The following KHDRBS3 variants were observed in gnomAD, a reference collection of about 807,000 sequenced individuals.
KHDRBS3 encodes KH domain-containing, RNA-binding, signal transduction-associated protein 3.
In KHDRBS3, 23 loss-of-function variants were observed where a neutral mutation model predicts 45.6. That is an observed-to-expected ratio of 0.50 (90% CI 0.36 to 0.72). KHDRBS3 has a LOEUF of 0.72. Ranked by LOEUF, KHDRBS3 falls within the 30% of genes least tolerant of loss-of-function variation. The pLI is 0.00. For missense variants in KHDRBS3, 352 were observed against 424.8 expected (o/e 0.83, Z 1.51); for synonymous variants, 162 against 156.5 (o/e 1.04, Z -0.26).
rs117647618 is a variant in KHDRBS3 at position 135,477,619 on chromosome 8, T to C, written c.88+19665T>C. Among the ~76,000 whole-genome samples, 67 of 152,356 alleles carry C rather than the reference T, an allele frequency of 4.4e-4. No homozygotes were observed. In the East Asian group the frequency reaches 0.012, roughly 27 times the overall value. ...TTGCTGTCTGCAGTAGGTTGAATTA[T>C]GGCCCCTAAACATGTCCTTATCCAT... On this transcript the variant is annotated intron_variant, in intron 1 of 8. Coordinates refer to ENST00000355849, the MANE Select transcript of KHDRBS3 (RefSeq NM_006558.3).
intron 5 of KHDRBS3, among the ~76,000 whole-genome samples, chr8:135,565,541 T>G (rs1827373571): frequency 1.3e-5 from 2 of 152,320 alleles, no homozygotes; most frequent in South Asian, 4.1e-4. Context: ...CTGTATCTCT[T>G]GGTAAGCAGC....
intron 3 of KHDRBS3, 137 bp from the exon 4 acceptor site, chr8:135,548,617 G>A: frequency 1.7e-6 from 1 of 586,046 alleles, no homozygotes; most frequent in South Asian, 3.5e-5. Context: ...CTTTTTTAGA[G>A]TAGTGTCTAC....
intron 5 of KHDRBS3, among the ~76,000 whole-genome samples, chr8:135,574,012 T>C (rs188640447): frequency 9.2e-5 from 14 of 152,350 alleles, no homozygotes; most frequent in African/African-American, 3.1e-4. Context: ...AAAAGTGTCA[T>C]TGATTATCAA....
downstream of KHDRBS3, among the ~76,000 whole-genome samples, chr8:135,650,001 G>T (rs1250046391): frequency 6.6e-6 from 1 of 152,040 alleles, no homozygotes; most frequent in East Asian, 1.9e-4. Context: ...GGAAGACCCT[G>T]CTATAGATAA....
At chr8:135,644,650 TC>T (rs1392691640) in intron 7 of KHDRBS3, among the ~76,000 whole-genome samples, 3 of 152,168 alleles carry the variant, frequency 2.0e-5, no homozygotes, top group Non-Finnish European at 4.4e-5. Flanking sequence ...CCTCCCCCAC[TC>T]CCACAGTGCC....
chr8:135,563,699 G>A (rs1027462779), intron 5 of KHDRBS3, among the ~76,000 whole-genome samples: 5 of 152,156 alleles, frequency 3.3e-5, no homozygotes, highest in Admixed American at 6.5e-5. Context: ...ATATTCTTTT[G>A]CTAATGCTGA....
At chr8:135,522,436 C>T (rs114355418) in intron 2 of KHDRBS3, among the ~76,000 whole-genome samples, 2,323 of 152,256 alleles carry the variant, frequency 0.015, 50 homozygotes, top group African/African-American at 0.052. Flanking sequence ...TTATTAAATA[C>T]GCAGTATTGA....
chr8:135,498,892 A>T (rs1004678952), intron 1 of KHDRBS3, among the ~76,000 whole-genome samples: 1 of 151,938 alleles, frequency 6.6e-6, no homozygotes, highest in Non-Finnish European at 1.5e-5. Context: ...GAAGCATTGC[A>T]CAAATGTACC....
chr8:135,655,194 T>C (rs1426019240), intron 4 of KHDRBS3, among the ~76,000 whole-genome samples: 1 of 152,234 alleles, frequency 6.6e-6, no homozygotes, highest in Non-Finnish European at 1.5e-5. Flanking sequence ...AGGATTCACC[T>C]TTAAATAACA....
rs754092694 is a variant in KHDRBS3 at position 135,654,722 on chromosome 8, G to T, written c.*118-1504G>T. 3.9e-5 allele frequency among the ~76,000 whole-genome samples: 6 copies of T among 152,272 alleles called. No individual in the cohort carries two copies. In the East Asian group the frequency reaches 1.2e-3, roughly 29 times the overall value. Reference sequence around the variant, plus strand: ...TTTACATCAGCAAGTGTATTGTTAAGGGCTGGCCCGTGGTGGGGCAGGCTT... The same window carrying T: ...TTTACATCAGCAAGTGTATTGTTAATGGCTGGCCCGTGGTGGGGCAGGCTT... On this transcript the variant is annotated intron_variant and NMD_transcript_variant, in intron 4 of 4. Coordinates refer to the KHDRBS3 transcript ENST00000521461.
At chr8:135,642,903 C>CT (rs1172266471) in intron 7 of KHDRBS3, among the ~76,000 whole-genome samples, 4 of 152,048 alleles carry the variant, frequency 2.6e-5, no homozygotes, top group African/African-American at 9.7e-5. Context: ...AGCAGTTCCC[C>CT]TGCCTCAGCA....
intron 7 of KHDRBS3, among the ~76,000 whole-genome samples, chr8:135,630,029 A>AC (rs1332230430): frequency 6.6e-6 from 1 of 152,256 alleles, no homozygotes; most frequent in African/African-American, 2.4e-5. Context: ...AAGAGATGAA[A>AC]GACAAGCCAC....
At chr8:135,531,425 A>AC (rs917505245) in intron 2 of KHDRBS3, among the ~76,000 whole-genome samples, 98 of 151,636 alleles carry the variant, frequency 6.5e-4, no homozygotes, top group African/African-American at 1.9e-3. Flanking sequence ...TGCAACAACA[A>AC]AAAAAATCAA....
chr8:135,488,339 T>C (rs1248613369), intron 1 of KHDRBS3, among the ~76,000 whole-genome samples: 1 of 152,212 alleles, frequency 6.6e-6, no homozygotes, highest in African/African-American at 2.4e-5. Flanking sequence ...AGTAGCATTG[T>C]CAGGTATACG....
At chr8:135,465,693 A>T (rs1248184333) in intron 1 of KHDRBS3, among the ~76,000 whole-genome samples, 1 of 152,228 alleles carries the variant, frequency 6.6e-6, no homozygotes, top group Non-Finnish European at 1.5e-5. Flanking sequence ...TTCCACAAGC[A>T]CAAGATACCT....
chr8:135,630,727 G>T (rs1451390635), intron 7 of KHDRBS3, among the ~76,000 whole-genome samples: 1 of 151,970 alleles, frequency 6.6e-6, no homozygotes, highest in East Asian at 1.9e-4. Context: ...GTCAGTATCT[G>T]TGTATCTAAA....
intron 6 of KHDRBS3, among the ~76,000 whole-genome samples, chr8:135,595,622 A>C (rs989267858): frequency 1.3e-5 from 2 of 152,232 alleles, no homozygotes; most frequent in Non-Finnish European, 2.9e-5. Flanking sequence ...AAGCCTCTGC[A>C]CTGTGAATTA....
At chr8:135,492,462 AAATT>A (rs1823203202) in intron 1 of KHDRBS3, among the ~76,000 whole-genome samples, 1 of 151,512 alleles carries the variant, frequency 6.6e-6, no homozygotes. Flanking sequence ...TTCTACTTCC[AAATT>A]AATCTGCATA....
intron 2 of KHDRBS3, among the ~76,000 whole-genome samples, chr8:135,536,234 GTTTTTTTTTT>G (rs374782370): frequency 1.2e-5 from 1 of 86,412 alleles, no homozygotes. Flanking sequence ...TTTCTGTCCA[GTTTTTTTTTT>G]TTTTTTTTTT....
Sources: gnomAD v4.1 joint callset for allele counts (sites outside exome capture counted in the v4.1 genomes callset) on GRCh38, gnomAD v4.1.1 for gene constraint, MANE v1.5 for transcripts, NCBI Gene and HGNC (gene_info 2026-07-23, HGNC 2026-07-21) for gene names.